The following CFAP299 variants were observed in gnomAD, a reference collection of about 807,000 sequenced individuals.
The protein encoded by CFAP299 is cilia and flagella associated protein 299, also known as cilia- and flagella-associated protein 299.
Under a neutral mutation model 27.0 loss-of-function variants are expected in CFAP299, and 21 were observed. The observed-to-expected ratio is 0.78, with a 90% confidence interval of 0.55 to 1.12. The LOEUF (loss-of-function observed/expected upper bound fraction) is 1.12. Ranked by LOEUF, CFAP299 falls within the 50% of genes most tolerant of loss-of-function variation. The pLI is 0.00. For synonymous variants in CFAP299, 104 were observed against 98.1 expected, an observed-to-expected ratio of 1.06 and a Z score of -0.36; for missense variants, 310 against 276.6, an observed-to-expected ratio of 1.12 and a Z score of -0.86.
chr4:80,732,103 TTG>T (rs1392094537), intron 3 of CFAP299, among the ~76,000 whole-genome samples: 1 of 149,060 alleles, frequency 6.7e-6, no homozygotes, highest in East Asian at 1.9e-4. Flanking sequence ...ACACACAGTG[TTG>T]TGTGTTTTGA....
chr4:80,480,999 C>A (rs936836584), intron 2 of CFAP299, among the ~76,000 whole-genome samples: 1 of 151,904 alleles, frequency 6.6e-6, no homozygotes, highest in African/African-American at 2.4e-5. Flanking sequence ...ATTTTATATT[C>A]ATATAATGTT....
chr4:80,484,185 A>T, intron 2 of CFAP299, among the ~76,000 whole-genome samples: 1 of 152,132 alleles, frequency 6.6e-6, no homozygotes, highest in Non-Finnish European at 1.5e-5. Flanking sequence ...TTAGTATGGA[A>T]TGATACTTGA....
At chr4:80,856,400 T>G (rs1473354433) in intron 3 of CFAP299, among the ~76,000 whole-genome samples, 10 of 151,664 alleles carry the variant, frequency 6.6e-5, no homozygotes, top group African/African-American at 1.7e-4. Flanking sequence ...AGAAGCTCTT[T>G]AGTTTAATTA....
At chr4:80,493,058 C>A (rs181460110) in intron 2 of CFAP299, among the ~76,000 whole-genome samples, 128 of 152,268 alleles carry the variant, frequency 8.4e-4, no homozygotes, top group African/African-American at 3.0e-3. Context: ...CAACAAGACT[C>A]CAGACACTGA....
rs1726988482 is a variant in CFAP299, at chr4:80,782,703, A to G, written c.334-87290A>G. Among the ~76,000 whole-genome samples, 2 of 133,784 alleles carry G rather than the reference A, an allele frequency of 1.5e-5. 1 individual carries two copies. Among genetic ancestry groups the G allele is most frequent in the Non-Finnish European group, 3.2e-5 (2 of 62,450 alleles). The allele number at this position is 133,784 out of a possible 152,430, so 87.8% of individuals were successfully genotyped here. A position where few individuals can be genotyped will look rare whatever the true frequency, so the allele number is the denominator to read the frequency against. On this transcript the variant is annotated intron_variant, in intron 3 of 5. Coordinates refer to ENST00000358105, the MANE Select transcript of CFAP299 (RefSeq NM_152770.3). ...ATATATGAATATATAATATATTCATATATAATATACATATATGAATATATA... is the reference window on the plus strand; with the variant it reads ...ATATATGAATATATAATATATTCATGTATAATATACATATATGAATATATA...
rs533817003 is a variant in CFAP299, at chr4:80,588,497, G to A, written c.333+5314G>A. On this transcript the variant is annotated intron_variant, in intron 3 of 5. Transcript: ENST00000358105. ...CAATCATTTTATATGAAAATTTAATGACATCTTTAGTGTTACATACCTGAC... is the reference window on the plus strand; with the variant it reads ...CAATCATTTTATATGAAAATTTAATAACATCTTTAGTGTTACATACCTGAC... 1.3e-3 allele frequency among the ~76,000 whole-genome samples: 202 copies of A among 150,914 alleles called. 2 individuals carry two copies. Among genetic ancestry groups the A allele is most frequent in the Non-Finnish European group, 2.6e-3 (176 of 67,994 alleles).
At chr4:80,851,436 A>C (rs938947342) in intron 3 of CFAP299, among the ~76,000 whole-genome samples, 1 of 152,174 alleles carries the variant, frequency 6.6e-6, no homozygotes, top group Admixed American at 6.6e-5. Context: ...GAAAGACACT[A>C]TGCATTTCAT....
At chr4:80,960,325 C>G (rs1253730020) in intron 5 of CFAP299, among the ~76,000 whole-genome samples, 1 of 151,816 alleles carries the variant, frequency 6.6e-6, no homozygotes, top group Non-Finnish European at 1.5e-5. Context: ...TCCATGAGCA[C>G]AAAACCATTT....
chr4:80,957,609 A>T (rs1185225460), intron 5 of CFAP299, among the ~76,000 whole-genome samples: 2 of 152,248 alleles, frequency 1.3e-5, no homozygotes, highest in African/African-American at 4.8e-5. Flanking sequence ...CAATGCAAAA[A>T]TGCATTGTAT....
At chr4:80,748,849 A>G (rs1724763686) in intron 3 of CFAP299, among the ~76,000 whole-genome samples, 3 of 152,118 alleles carry the variant, frequency 2.0e-5, no homozygotes, top group Admixed American at 6.6e-5. Context: ...CAGCCTGTGT[A>G]TTGTTTGCCA....
rs980472319 is a variant in CFAP299 at position 80,439,338 on chromosome 4, C to T, written c.242+76454C>T. ...AGGCAGGTGATTTCTGCATTTCCAA[C>T]TGAGGTACCAAGCTCATCTCATTGG... On this transcript the variant is annotated intron_variant, in intron 2 of 5. Coordinates refer to ENST00000358105, the MANE Select transcript of CFAP299 (RefSeq NM_152770.3). Among the ~76,000 whole-genome samples, 10 of 152,314 alleles carry T rather than the reference C, an allele frequency of 6.6e-5. No individual in the cohort carries two copies. The East Asian group carries it at 1.9e-3, about 29-fold the overall frequency.
chr4:80,517,201 C>T (rs765001455), intron 2 of CFAP299, among the ~76,000 whole-genome samples: 7 of 152,210 alleles, frequency 4.6e-5, no homozygotes, highest in South Asian at 4.1e-4. Flanking sequence ...TTCAGCAGCA[C>T]TTTCTAAATT....
At chr4:80,415,717 T>G (rs1386995837) in intron 2 of CFAP299, among the ~76,000 whole-genome samples, 2 of 152,194 alleles carry the variant, frequency 1.3e-5, no homozygotes, top group Admixed American at 1.3e-4. Context: ...TAATTTTTAG[T>G]AAAAACAAAC....
intron 2 of CFAP299, among the ~76,000 whole-genome samples, chr4:80,407,756 A>T (rs2110057416): frequency 6.6e-6 from 1 of 152,278 alleles, no homozygotes; most frequent in South Asian, 2.1e-4. Flanking sequence ...GGCCATTTTT[A>T]CCTCCACAAA....
At chr4:80,918,652 T>A (rs1329164300) in intron 4 of CFAP299, among the ~76,000 whole-genome samples, 1 of 152,034 alleles carries the variant, frequency 6.6e-6, no homozygotes, top group Non-Finnish European at 1.5e-5. Context: ...GTAAAAAAAA[T>A]TTATAAATTC....
intron 3 of CFAP299, among the ~76,000 whole-genome samples, chr4:80,587,206 C>T (rs1419250239): frequency 1.3e-5 from 2 of 151,778 alleles, no homozygotes; most frequent in South Asian, 4.2e-4. Context: ...ACTAATAAAC[C>T]CTTATGGAAA....
At chr4:80,552,880 C>T (rs113151750) in intron 2 of CFAP299, among the ~76,000 whole-genome samples, 30 of 152,010 alleles carry the variant, frequency 2.0e-4, no homozygotes, top group Non-Finnish European at 3.7e-4. Context: ...GAGATGGGGG[C>T]GCTCACTATG....
At chr4:80,373,160 T>TGGAAAGGTCAAAATTTTCAAA (rs1724231366) in intron 2 of CFAP299, among the ~76,000 whole-genome samples, 1 of 152,050 alleles carries the variant, frequency 6.6e-6, no homozygotes, top group African/African-American at 2.4e-5. Flanking sequence ...ACAGTGGACC[T>TGGAAAGGTCAAAATTTTCAAA]AACCCCAAGG....
intron 3 of CFAP299, among the ~76,000 whole-genome samples, chr4:80,670,043 G>T (rs575628194): frequency 1.3e-5 from 2 of 151,922 alleles, no homozygotes; most frequent in Admixed American, 1.3e-4. Flanking sequence ...CAACGTGCAG[G>T]CTTGTTACAT....
Sources: allele counts gnomAD v4.1 joint callset (sites outside exome capture counted in the v4.1 genomes callset), GRCh38; gene constraint gnomAD v4.1.1; transcripts MANE v1.5; gene names NCBI Gene and HGNC (gene_info 2026-07-23, HGNC 2026-07-21).